Variants in ULK4 observed in about 807,000 individuals in gnomAD.
ULK4 encodes the protein unc-51 like kinase 4, also known as inactive serine/threonine-protein kinase ULK4.
In ULK4, 133 loss-of-function variants were observed where a neutral mutation model predicts 160.6. The observed-to-expected ratio is 0.83, with a 90% CI of 0.72 to 0.96. The LOEUF is 0.96. ULK4 is among the 40% of genes least tolerant of loss of function. The pLI, the probability that ULK4 is intolerant of heterozygous loss-of-function variation, is 0.00. For synonymous variants in ULK4, 534 were observed against 539.8 expected (o/e 0.99, Z 0.15); for missense variants, 1,580 against 1,499.5 (o/e 1.05, Z -0.89).
At chr3:41,279,270 A>C (rs1168178251) in intron 35 of ULK4, among the ~76,000 whole-genome samples, 1 of 146,404 alleles carries the variant, frequency 6.8e-6, no homozygotes, top group Middle Eastern at 3.2e-3. Flanking sequence ...AAAAAAAAAA[A>C]AAAAACAAAA....
intron 2 of ULK4, among the ~76,000 whole-genome samples, chr3:41,945,586 C>G (rs1575998200): frequency 6.6e-6 from 1 of 152,174 alleles, no homozygotes; most frequent in Non-Finnish European, 1.5e-5. Context: ...TCTTCCCTCA[C>G]GTTGGCCTAA....
intron 22 of ULK4, among the ~76,000 whole-genome samples, chr3:41,719,333 C>T (rs975281203): frequency 2.0e-5 from 3 of 152,172 alleles, no homozygotes; most frequent in African/African-American, 7.2e-5. Flanking sequence ...CTTATCTATA[C>T]AGATATCTTC....
At chr3:41,922,482 T>G (rs1699224675) in intron 5 of ULK4, among the ~76,000 whole-genome samples, 1 of 143,730 alleles carries the variant, frequency 7.0e-6, no homozygotes. Flanking sequence ...GAGGGGAGAG[T>G]ATGGAAGGAA....
chr3:41,657,834 A>AC (rs1401132009), intron 30 of ULK4, among the ~76,000 whole-genome samples: 5 of 149,964 alleles, frequency 3.3e-5, no homozygotes, highest in South Asian at 4.2e-4. Context: ...AAAAAAAAAA[A>AC]ACACACACCA....
intron 22 of ULK4, among the ~76,000 whole-genome samples, chr3:41,721,287 G>GTTTTT (rs1559507507): frequency 2.9e-5 from 2 of 68,850 alleles, no homozygotes; most frequent in African/African-American, 1.3e-4. Flanking sequence ...TTTTTTTTGG[G>GTTTTT]TTTTGAACCA....
intron 34 of ULK4, among the ~76,000 whole-genome samples, chr3:41,399,014 T>C (rs999519440): frequency 6.6e-6 from 1 of 152,158 alleles, no homozygotes; most frequent in African/African-American, 2.4e-5. Flanking sequence ...TGAAAGGACA[T>C]ACCCATATTC....
chr3:41,760,447 CTTGTACACAAAAA>C (rs1165196198), intron 21 of ULK4, among the ~76,000 whole-genome samples: 1 of 152,028 alleles, frequency 6.6e-6, no homozygotes, highest in African/African-American at 2.4e-5. Flanking sequence ...CACAGAAAAC[CTTGTACACAAAAA>C]TTGTACACAA....
At chr3:41,917,575 C>A (rs1414503220) in intron 7 of ULK4, among the ~76,000 whole-genome samples, 1 of 152,072 alleles carries the variant, frequency 6.6e-6, no homozygotes, top group African/African-American at 2.4e-5. Flanking sequence ...TACACTTGTG[C>A]CTTCTTTTGT....
At position 41,772,392 on chromosome 3, in the gene ULK4, C is replaced by T. The variant is rs191400191; in HGVS notation, c.2193+17269G>A. Among the ~76,000 whole-genome samples the T allele has an allele frequency of 6.7e-3, 1,020 of 152,024 alleles. 39 individuals carry two copies. In the East Asian group the frequency reaches 0.12, roughly 18 times the overall value. ...ATAAAAAATGATAAAGGGGATATCACCACCGATCCCACAGAAATACAAACT... is the reference window on the plus strand; with the variant it reads ...ATAAAAAATGATAAAGGGGATATCATCACCGATCCCACAGAAATACAAACT... On this transcript the variant is annotated intron_variant, in intron 21 of 36. Coordinates refer to ENST00000301831, the MANE Select transcript of ULK4 (RefSeq NM_017886.4).
At chr3:41,841,963 A>T (rs935533814) in intron 17 of ULK4, among the ~76,000 whole-genome samples, 1 of 151,768 alleles carries the variant, frequency 6.6e-6, no homozygotes, top group Admixed American at 6.6e-5. Flanking sequence ...AGTCATCACC[A>T]CTCCCTAATC....
intron 35 of ULK4, among the ~76,000 whole-genome samples, chr3:41,252,669 A>G (rs1166409052): frequency 6.6e-6 from 1 of 152,014 alleles, no homozygotes; most frequent in African/African-American, 2.4e-5. Flanking sequence ...GACCTATGAG[A>G]CAATAGCAAT....
intron 8 of ULK4, 85 bp from the exon 9 acceptor site, chr3:41,912,984 A>G: frequency 8.5e-7 from 1 of 1,173,140 alleles, no homozygotes. Context: ...TACACATAGC[A>G]GATTTTACAA....
intron 27 of ULK4, among the ~76,000 whole-genome samples, chr3:41,683,044 G>A (rs1229976438): frequency 6.6e-6 from 1 of 152,108 alleles, no homozygotes; most frequent in Non-Finnish European, 1.5e-5. Flanking sequence ...GTAGGAATGA[G>A]GCTTGGCTCC....
At chr3:41,253,028 A>G (rs2078769527) in intron 35 of ULK4, among the ~76,000 whole-genome samples, 1 of 152,178 alleles carries the variant, frequency 6.6e-6, no homozygotes, top group Non-Finnish European at 1.5e-5. Context: ...CTAAAGTTAT[A>G]TACCTAGAAG....
chr3:41,485,022 A>G (rs1012694450), intron 32 of ULK4, among the ~76,000 whole-genome samples: 5 of 152,212 alleles, frequency 3.3e-5, no homozygotes, highest in African/African-American at 2.4e-5. Flanking sequence ...AGAAAAAGTA[A>G]TAACAGCAAA....
At chr3:41,645,352 A>T (rs1449448390) in intron 30 of ULK4, among the ~76,000 whole-genome samples, 1 of 151,156 alleles carries the variant, frequency 6.6e-6, no homozygotes, top group Non-Finnish European at 1.5e-5. Flanking sequence ...TTCCCTCTAC[A>T]CACTGCTTTG....
intron 32 of ULK4, among the ~76,000 whole-genome samples, chr3:41,474,499 AACAG>A (rs145834083): frequency 0.02 from 3,073 of 152,218 alleles, 108 homozygotes; most frequent in African/African-American, 0.071. Flanking sequence ...CAAAAGCAAA[AACAG>A]ACAGATACAT....
At chr3:41,438,978 TAA>T (rs10591684) in intron 34 of ULK4, among the ~76,000 whole-genome samples, 36,215 of 134,382 alleles carry the variant, frequency 0.27, 4,789 homozygotes, top group African/African-American at 0.35. Context: ...CAGGAAAATT[TAA>T]AAAAAAAAAA....
intron 22 of ULK4, among the ~76,000 whole-genome samples, chr3:41,721,279 T>TTTTTTTTTTTTTG (rs67078043): frequency 2.0e-5 from 2 of 98,920 alleles, no homozygotes; most frequent in African/African-American, 8.7e-5. Context: ...TTTTTTTTTT[T>TTTTTTTTTTTTTG]TTTTTGGGTT....
Sources: gnomAD v4.1 joint callset for allele counts (sites outside exome capture counted in the v4.1 genomes callset) on GRCh38, gnomAD v4.1.1 for gene constraint, MANE v1.5 for transcripts, NCBI Gene and HGNC (gene_info 2026-07-23, HGNC 2026-07-21) for gene names.